Variants in GTSE1 observed in about 807,000 individuals in gnomAD.
GTSE1 encodes G2 and S phase-expressed protein 1.
In GTSE1, 52 loss-of-function variants were observed where a neutral mutation model predicts 60.5. That is an observed-to-expected ratio of 0.86 (90% confidence interval 0.69 to 1.08). GTSE1 has a LOEUF of 1.08. GTSE1 is among the 50% of genes least tolerant of loss of function. The pLI is 0.00. For missense variants in GTSE1, 937 were observed against 961.8 expected, an observed-to-expected ratio of 0.97 and a Z score of 0.34; for synonymous variants, 368 against 386.5, an observed-to-expected ratio of 0.95 and a Z score of 0.56.
chr22:46,330,033 C>G lies in GTSE1; in HGVS notation c.2137-14C>G, dbSNP rs143560634. On this transcript the variant is annotated splice_polypyrimidine_tract_variant and intron_variant, in intron 11 of 11. Transcript: ENST00000454366. This position sits in a 1 kb window ranked among gnomAD's most constrained non-coding sequence, Gnocchi z 6.0. Reference sequence around the variant, plus strand: ...CGGATCCACGCTCACCTCCTCCACTCTGCTCTCTTCCAGCTCATAGACCTG... The same window carrying G: ...CGGATCCACGCTCACCTCCTCCACTGTGCTCTCTTCCAGCTCATAGACCTG... The G allele has an allele frequency of 3.2e-6, 5 of 1,562,686 alleles. No individual in the cohort carries two copies. The highest frequency in any genetic ancestry group is 4.4e-6 in the Non-Finnish European group (5 of 1,133,110).
chr22:46,326,032 C>T (rs1231554532), intron 8 of GTSE1, among the ~76,000 whole-genome samples: 2 of 152,268 alleles, frequency 1.3e-5, no homozygotes, highest in Non-Finnish European at 2.9e-5. Flanking sequence ...CGCTGGCCCA[C>T]CAGACAGGCT....
chr22:46,312,732 T>C (rs2077756150), intron 5 of GTSE1, among the ~76,000 whole-genome samples: 2 of 151,706 alleles, frequency 1.3e-5, no homozygotes, highest in Non-Finnish European at 2.9e-5. Context: ...CTTCGCAGTG[T>C]GCACTGATGG....
Position 46,321,708 on chromosome 22 carries a change from T to TA in GTSE1, c.1433-1482_1433-1481insA, listed in dbSNP as rs1569045208. Reference sequence around the variant, plus strand: ...GCAGAGCTGGGTGTGGTGGGAGACTTGTTTGTCTCATAAAATTTTAACCTT... The same window carrying TA: ...GCAGAGCTGGGTGTGGTGGGAGACTTAGTTTGTCTCATAAAATTTTAACCTT... On this transcript the variant is annotated intron_variant, in intron 7 of 11. Transcript: ENST00000454366. The surrounding 1 kb of genome is among the most constrained non-coding windows in gnomAD (Gnocchi z 4.0). Among the ~76,000 whole-genome samples, 2 of 152,106 alleles carry TA rather than the reference T, an allele frequency of 1.3e-5. No homozygotes were observed. Among genetic ancestry groups the TA allele is most frequent in the Non-Finnish European group, 2.9e-5 (2 of 68,000 alleles).
chr22:46,313,973 C>T lies in GTSE1; in HGVS notation c.1011C>T (p.Ser337=), dbSNP rs143072372. The T allele has an allele frequency of 5.1e-5, 82 of 1,614,030 alleles. No individual in the cohort carries two copies. The highest frequency in any genetic ancestry group is 1.2e-4 in the African/African-American group (9 of 74,934). Residue 337 remains serine, a synonymous_variant, in exon 6 of 12, where the codon AGC becomes AGT. Transcript: ENST00000454366. This position sits in a 1 kb window ranked among gnomAD's most constrained non-coding sequence, Gnocchi z 4.4. ...ARKSSSGPVW[S]GASSACTSPA... ...AGTCCTCCTCGGGGCCTGTTTGGAG[C>T]GGGGCATCCAGTGCGTGCACATCCC...
intron 7 of GTSE1, among the ~76,000 whole-genome samples, 173 bp from the exon 8 acceptor site, chr22:46,323,017 G>A (rs553554815): frequency 6.6e-6 from 1 of 152,334 alleles, no homozygotes; most frequent in African/African-American, 2.4e-5. Context: ...TGCCTCTCAT[G>A]TGGCTGCCTG....
At chr22:46,326,773 G>A (rs989638670) in intron 9 of GTSE1, 119 bp downstream of exon 9, 2 of 626,644 alleles carry the variant, frequency 3.2e-6, no homozygotes, top group African/African-American at 2.2e-5. Context: ...TATTTGGAAA[G>A]TTTGTTTGTT....
intron 7 of GTSE1, among the ~76,000 whole-genome samples, chr22:46,322,726 A>G (rs2077820369): frequency 6.6e-6 from 1 of 152,224 alleles, no homozygotes; most frequent in Admixed American, 6.5e-5. Context: ...AATTATTATT[A>G]TCCCAGTAAA....
Position 46,317,546 on chromosome 22 carries a change from G to A in GTSE1, c.1432+1134G>A, listed in dbSNP as rs935502140. ...TTCCGGGTTTTGGCCTCATTTTCCT[G>A]CCTCTACATTTTTCACAAGTTTTTC... On this transcript the variant is annotated intron_variant, in intron 7 of 11. Coordinates refer to ENST00000454366, the MANE Select transcript of GTSE1 (RefSeq NM_016426.7). This position sits in a 1 kb window ranked among gnomAD's most constrained non-coding sequence, Gnocchi z 5.6. 6.6e-5 allele frequency among the ~76,000 whole-genome samples: 10 copies of A among 152,076 alleles called. No individual in the cohort carries two copies. Among genetic ancestry groups the A allele is most frequent in the Admixed American group, 3.3e-4 (5 of 15,268 alleles).
intron 4 of GTSE1, 69 bp from the exon 5 acceptor site, chr22:46,312,072 G>A (rs1185771637): frequency 3.7e-6 from 5 of 1,340,404 alleles, no homozygotes; most frequent in Admixed American, 2.1e-5. Context: ...CGCTCTGAAT[G>A]GAAGCCTGAG....
Position 46,297,337 on chromosome 22 carries a change from G to A in GTSE1, c.-21-43G>A. 2.7e-6 allele frequency: 3 copies of A among 1,114,502 alleles called. No individual in the cohort carries two copies. The highest frequency in any genetic ancestry group is 4.1e-6 in the Non-Finnish European group (3 of 726,452). The allele number at this position is 1,114,502 out of a possible 1,614,324, so 69.0% of individuals were successfully genotyped here. ...GGGCTGAAGGAAGCCGGAGCCCTGGGCCCTGACACGTACTCACTTTCTGGC... is the reference window on the plus strand; with the variant it reads ...GGGCTGAAGGAAGCCGGAGCCCTGGACCCTGACACGTACTCACTTTCTGGC... On this transcript the variant is annotated intron_variant, in intron 1 of 11. Transcript: ENST00000454366. The surrounding 1 kb of genome is among the most constrained non-coding windows in gnomAD (Gnocchi z 4.9).
At chr22:46,308,978 C>A (rs779875858) in intron 4 of GTSE1, 35 bp downstream of exon 4, 20 of 1,573,398 alleles carry the variant, frequency 1.3e-5, no homozygotes, top group Non-Finnish European at 1.4e-5. Flanking sequence ...CCTGGGGAGC[C>A]CCCACTCCTT....
chr22:46,300,662 C>A (rs1186535401), intron 2 of GTSE1, among the ~76,000 whole-genome samples: 1 of 152,166 alleles, frequency 6.6e-6, no homozygotes, highest in Admixed American at 6.6e-5. Context: ...TGGCACCTAG[C>A]GAAGGATGTG....
rs1042727702 is a variant in GTSE1, at chr22:46,297,994, G to A, written c.79+515G>A. ...TTTATTTATTTATTGACGGAGTCTC[G>A]CTCTCTCACCCAGGCTGGAGTGCAA... On this transcript the variant is annotated intron_variant, in intron 2 of 11. Coordinates refer to ENST00000454366, the MANE Select transcript of GTSE1 (RefSeq NM_016426.7). This position sits in a 1 kb window ranked among gnomAD's most constrained non-coding sequence, Gnocchi z 4.9. 6.6e-6 allele frequency among the ~76,000 whole-genome samples: 1 copy of A among 151,810 alleles called. No individual in the cohort carries two copies. The highest frequency in any genetic ancestry group is 1.5e-5 in the Non-Finnish European group (1 of 67,984).
In GTSE1 at chr22:46,317,917, T is replaced by G. The variant is rs2077790507; in HGVS notation, c.1432+1505T>G. On this transcript the variant is annotated intron_variant, in intron 7 of 11. Coordinates refer to ENST00000454366, the MANE Select transcript of GTSE1 (RefSeq NM_016426.7). This position sits in a 1 kb window ranked among gnomAD's most constrained non-coding sequence, Gnocchi z 5.6. ...GCTCCGCTCGTTGCTCCCTGGTAGT[T>G]GCTCTTCTCTTGACCTTGAGGACTC... 6.6e-6 allele frequency among the ~76,000 whole-genome samples: 1 copy of G among 152,238 alleles called. No individual in the cohort carries two copies. The highest frequency in any genetic ancestry group is 6.5e-5 in the Admixed American group (1 of 15,290).
Position 46,319,050 on chromosome 22 carries a change from G to A in GTSE1, c.1432+2638G>A, listed in dbSNP as rs964046521. Among the ~76,000 whole-genome samples the A allele has an allele frequency of 2.1e-4, 32 of 152,198 alleles. No individual in the cohort carries two copies. Among genetic ancestry groups the A allele is most frequent in the African/African-American group, 7.5e-4 (31 of 41,446 alleles). On this transcript the variant is annotated intron_variant, in intron 7 of 11. Transcript: ENST00000454366. The surrounding 1 kb of genome is among the most constrained non-coding windows in gnomAD (Gnocchi z 5.0). ...TTCCCTGCACAGGATGCTAGGACACGTTGTCTTTATTCCGCACACAGCTGA... is the reference window on the plus strand; with the variant it reads ...TTCCCTGCACAGGATGCTAGGACACATTGTCTTTATTCCGCACACAGCTGA...
Position 46,321,350 on chromosome 22 carries a change from G to A in GTSE1, c.1433-1840G>A, listed in dbSNP as rs2077811505. Reference sequence around the variant, plus strand: ...ACCCAGGAGTTCAAGGCTGCAGTGAGCAGTGATCAAGCCACTGCACTCCAG... The same window carrying A: ...ACCCAGGAGTTCAAGGCTGCAGTGAACAGTGATCAAGCCACTGCACTCCAG... On this transcript the variant is annotated intron_variant, in intron 7 of 11. Transcript: ENST00000454366. The surrounding 1 kb of genome is among the most constrained non-coding windows in gnomAD (Gnocchi z 4.0). Among the ~76,000 whole-genome samples the A allele has an allele frequency of 6.6e-6, 1 of 152,228 alleles. No homozygotes were observed. Among genetic ancestry groups the A allele is most frequent in the Non-Finnish European group, 1.5e-5 (1 of 68,042 alleles).
chr22:46,302,624 A>G (rs1407478885), intron 2 of GTSE1, among the ~76,000 whole-genome samples: 1 of 152,102 alleles, frequency 6.6e-6, no homozygotes, highest in Non-Finnish European at 1.5e-5. Flanking sequence ...AGCCTCCCAA[A>G]GTGCTGGGAT....
chr22:46,326,925 AGGTGTGGT>A, intron 9 of GTSE1: 2 of 312,972 alleles, frequency 6.4e-6, no homozygotes, highest in South Asian at 8.8e-5. Context: ...GTTATTGGCC[AGGTGTGGT>A]GGCTCACGCC....
rs1390819476 is a variant in GTSE1, at chr22:46,308,921, G to A, written c.740G>A (p.Ser247Asn). The A allele has an allele frequency of 1.2e-6, 2 of 1,611,838 alleles. No individual in the cohort carries two copies. Among genetic ancestry groups the A allele is most frequent in the Non-Finnish European group, 1.7e-6 (2 of 1,179,238 alleles). The change falls in exon 4 of 12, where the codon AGC (serine) becomes AAC (asparagine). Residue 247 changes from serine (S) to asparagine (N), a missense_variant. Physicochemically the swap from Ser to Asn is conservative, Grantham distance 46. Transcript: ENST00000454366. Reference protein sequence around the residue: ...LPRAASVRGRSIPGAAEKPKK... With the variant: ...LPRAASVRGRNIPGAAEKPKK... ...CGAGCGGCCTCTGTTAGAGGAAGAA[G>A]CATCCCTGGGGCTGCGGAGAAGGTA...
Sources: allele counts gnomAD v4.1 joint callset (sites outside exome capture counted in the v4.1 genomes callset), GRCh38; gene constraint gnomAD v4.1.1; non-coding constraint Gnocchi (gnomAD v3.1); transcripts MANE v1.5; gene names NCBI Gene and HGNC (gene_info 2026-07-23, HGNC 2026-07-21).